Variants in DMD observed in about 807,000 individuals in gnomAD.
DMD encodes the protein mutant dystrophin.
Under a neutral mutation model 330.1 loss-of-function variants are expected in DMD, and 63 were observed. The ratio of observed to expected loss-of-function variants is 0.19; its 90% CI spans 0.16 to 0.24. The LOEUF (loss-of-function observed/expected upper bound fraction) is 0.24, where lower values mean the gene tolerates loss of function less well. DMD is among the 10% of genes least tolerant of loss of function. The probability of loss-of-function intolerance (pLI) is 1.00; values close to 1 mark genes in which losing one functional copy is unlikely to be tolerated. For synonymous variants in DMD, 1,223 were observed against 959.8 expected (o/e 1.27, Z -5.07); for missense variants, 3,344 against 2,684.1 (o/e 1.25, Z -5.43).
At chrX:32,786,194 C>T (rs1603419159) in intron 7 of DMD, among the ~76,000 whole-genome samples, 1 of 109,487 alleles carries the variant, frequency 9.1e-6, no homozygotes, top group South Asian at 3.9e-4. Context: ...TGATTCTATA[C>T]AGAAAAACTT....
intron 29 of DMD, 143 bp downstream of exon 29, chrX:32,438,098 T>C: frequency 1.6e-6 from 1 of 609,140 alleles, no homozygotes; most frequent in South Asian, 2.7e-5. Flanking sequence ...GTAAAGAATT[T>C]ACCCAGTGTC....
intron 1 of DMD, among the ~76,000 whole-genome samples, chrX:33,161,515 G>A (rs2048770136): frequency 8.9e-6 from 1 of 111,779 alleles, no homozygotes; most frequent in African/African-American, 3.2e-5. Flanking sequence ...CTGAGGTTGA[G>A]AAAGGTTAAA....
intron 77 of DMD, among the ~76,000 whole-genome samples, chrX:31,131,596 T>C (rs2034508092): frequency 8.9e-6 from 1 of 111,749 alleles, no homozygotes; most frequent in African/African-American, 3.3e-5. Context: ...GCTCTTCCAT[T>C]TGAAAGACTT....
At chrX:31,595,615 A>G (rs760884159) in intron 55 of DMD, among the ~76,000 whole-genome samples, 2 of 111,417 alleles carry the variant, frequency 1.8e-5, no homozygotes, top group African/African-American at 6.5e-5. Context: ...AGTTCTTAAT[A>G]TAACTTTGGG....
At chrX:31,241,370 A>G (rs975306517) in intron 63 of DMD, among the ~76,000 whole-genome samples, 4 of 111,783 alleles carry the variant, frequency 3.6e-5, no homozygotes, top group African/African-American at 9.7e-5. Context: ...TATCTTTTAC[A>G]GGGTTTTTGA....
At chrX:33,057,797 G>A (rs1056831125) in intron 1 of DMD, among the ~76,000 whole-genome samples, 1 of 112,267 alleles carries the variant, frequency 8.9e-6, no homozygotes, top group African/African-American at 3.2e-5. Flanking sequence ...TGTTTATGAA[G>A]TTCGTTCATA....
At chrX:32,308,815 G>A (rs977164068) in intron 42 of DMD, among the ~76,000 whole-genome samples, 1 of 110,514 alleles carries the variant, frequency 9.0e-6, no homozygotes, top group African/African-American at 3.3e-5. Context: ...TGAACCAAAT[G>A]TCCATGAACC....
chrX:32,403,198 T>C (rs772416035), intron 30 of DMD, among the ~76,000 whole-genome samples: 5 of 112,116 alleles, frequency 4.5e-5, no homozygotes, highest in African/African-American at 1.6e-4. Flanking sequence ...CTGTGCATTT[T>C]AGATCGATAA....
At chrX:33,032,349 A>G (rs1372906068) in intron 1 of DMD, among the ~76,000 whole-genome samples, 1 of 112,234 alleles carries the variant, frequency 8.9e-6, no homozygotes, top group African/African-American at 3.2e-5. Flanking sequence ...TAAGAAATAA[A>G]TGTTTGTTCT....
At chrX:33,300,143 A>T (rs2148937399) in intron 1 of DMD, among the ~76,000 whole-genome samples, 1 of 112,509 alleles carries the variant, frequency 8.9e-6, no homozygotes, top group East Asian at 2.8e-4. Context: ...GTGAAGATGA[A>T]TGAGTTTTAT....
intron 62 of DMD, among the ~76,000 whole-genome samples, chrX:31,307,765 T>C (rs1296857257): frequency 8.9e-6 from 1 of 111,929 alleles, no homozygotes; most frequent in African/African-American, 3.2e-5. Flanking sequence ...ACTTGAAGTC[T>C]TTTCTTCCCT....
chrX:32,454,616 C>A, intron 26 of DMD, 46 bp downstream of exon 26: 1 of 1,051,860 alleles, frequency 9.5e-7, no homozygotes, highest in African/African-American at 1.9e-5. Context: ...TTTCTTTTTC[C>A]ATTTATTTCC....
intron 7 of DMD, among the ~76,000 whole-genome samples, chrX:32,792,143 G>A (rs1427176284): frequency 9.0e-6 from 1 of 111,650 alleles, no homozygotes; most frequent in Non-Finnish European, 1.9e-5. Flanking sequence ...AGCCAAGGTA[G>A]CCTTCATAAA....
intron 9 of DMD, among the ~76,000 whole-genome samples, chrX:32,661,771 A>C (rs1266183862): frequency 9.0e-6 from 1 of 111,279 alleles, no homozygotes; most frequent in Non-Finnish European, 1.9e-5. Context: ...TTCTAAACAG[A>C]TAGCTTGTCT....
intron 7 of DMD, among the ~76,000 whole-genome samples, chrX:32,768,100 G>A (rs913942889): frequency 8.9e-6 from 1 of 111,755 alleles, no homozygotes; most frequent in Non-Finnish European, 1.9e-5. Flanking sequence ...ACTAAGAAAC[G>A]TCAGTGGATA....
intron 44 of DMD, among the ~76,000 whole-genome samples, chrX:32,034,995 C>A (rs761584026): frequency 9.0e-6 from 1 of 111,701 alleles, no homozygotes; most frequent in Non-Finnish European, 1.9e-5. Context: ...CAATTCCATT[C>A]AACAACTATT....
chrX:31,928,094 T>C (rs998202903), intron 47 of DMD, among the ~76,000 whole-genome samples: 1 of 112,275 alleles, frequency 8.9e-6, no homozygotes, highest in African/African-American at 3.2e-5. Flanking sequence ...AGGAATGAAG[T>C]TCTGACACAT....
At position 32,826,142 on chromosome X, in the gene DMD, G is replaced by A. The variant is rs189435467; in HGVS notation, c.265-2755C>T. Reference sequence around the variant, plus strand: ...GAGAAATGCAAATTAAAACTACAATGAAATATTACATCACACAGAATGGCT... The same window carrying A: ...GAGAAATGCAAATTAAAACTACAATAAAATATTACATCACACAGAATGGCT... On this transcript the variant is annotated intron_variant, in intron 4 of 78. Coordinates refer to ENST00000357033, the MANE Select transcript of DMD (RefSeq NM_004006.3). Among the ~76,000 whole-genome samples the A allele has an allele frequency of 1.6e-3, 183 of 111,686 alleles. 1 individual carries two copies. Among genetic ancestry groups the A allele is most frequent in the African/African-American group, 5.8e-3 (177 of 30,755 alleles).
intron 59 of DMD, among the ~76,000 whole-genome samples, chrX:31,462,994 T>C (rs1235208304): frequency 8.9e-6 from 1 of 112,319 alleles, no homozygotes; most frequent in African/African-American, 3.2e-5. Context: ...GAAAGATTCC[T>C]TACTTCAGAA....
Sources: allele counts gnomAD v4.1 joint callset (sites outside exome capture counted in the v4.1 genomes callset), GRCh38; gene constraint gnomAD v4.1.1; transcripts MANE v1.5; gene names NCBI Gene and HGNC (gene_info 2026-07-23, HGNC 2026-07-21).